The following BBS12 variants were observed in gnomAD, a reference collection of about 807,000 sequenced individuals.
BBS12 encodes the protein chaperonin-containing T-complex member BBS12.
Under a neutral mutation model 5.6 loss-of-function variants are expected in BBS12, and 5 were observed. The observed-to-expected ratio is 0.89, with a 90% confidence interval of 0.46 to 1.86. The LOEUF (loss-of-function observed/expected upper bound fraction) is 1.86. Among genes scored for constraint, BBS12 ranks in the 40% most tolerant of loss-of-function variants. BBS12 has a pLI of 0.01. For missense variants in BBS12, 748 were observed against 830.4 expected (o/e 0.90, Z 1.22); for synonymous variants, 308 against 306.8 (o/e 1.00, Z -0.04).
intron 1 of BBS12, among the ~76,000 whole-genome samples, chr4:122,735,927 A>G (rs1800778107): frequency 6.6e-6 from 1 of 152,120 alleles, no homozygotes. Flanking sequence ...GTGGTATTCT[A>G]TAGAGTGCTC....
Position 122,743,248 on chromosome 4 carries a change from A to G in BBS12, c.1356A>G (p.Val452=), listed in dbSNP as rs1264207326. ...MQAFAEAAGA[V]QVAYITQVNE... ...CTTTTGCAGAGGCTGCAGGAGCAGT[A>G]CAGGTGGCCTACATTACACAAGTGA... Residue 452 remains valine, a synonymous_variant, in exon 2 of 2, where the codon GTA becomes GTG. Coordinates refer to ENST00000314218, the MANE Select transcript of BBS12 (RefSeq NM_152618.3). 6.2e-7 allele frequency: 1 copy of G among 1,614,228 alleles called. No individual in the cohort carries two copies. The highest frequency in any genetic ancestry group is 1.1e-5 in the South Asian group (1 of 91,086).
intron 1 of BBS12, among the ~76,000 whole-genome samples, chr4:122,739,475 C>T (rs754889793): frequency 3.3e-5 from 5 of 152,212 alleles, no homozygotes; most frequent in Non-Finnish European, 5.9e-5. Context: ...ACAGACTCCA[C>T]CTTTTCACCC....
the BBS12 span, among the ~76,000 whole-genome samples, chr4:122,703,762 G>A: frequency 6.6e-6 from 1 of 152,188 alleles, no homozygotes; most frequent in African/African-American, 2.4e-5. Flanking sequence ...TGCAGGACTA[G>A]TGGATCAAAC....
chr4:122,738,327 C>G (rs1362590717), intron 1 of BBS12, among the ~76,000 whole-genome samples: 1 of 152,166 alleles, frequency 6.6e-6, no homozygotes, highest in Admixed American at 6.5e-5. Flanking sequence ...TCTCCTGCCT[C>G]AGCCTCCTGA....
At chr4:122,720,056 A>T in the BBS12 span, among the ~76,000 whole-genome samples, 2 of 152,234 alleles carry the variant, frequency 1.3e-5, no homozygotes, top group Non-Finnish European at 2.9e-5. Flanking sequence ...TGGCTAAAAA[A>T]CAAGACCAAA....
At chr4:122,713,624 C>G in the BBS12 span, among the ~76,000 whole-genome samples, 1 of 152,178 alleles carries the variant, frequency 6.6e-6, no homozygotes. Flanking sequence ...TCAACTCTAT[C>G]CTATGTCATT....
chr4:122,720,773 T>A, the BBS12 span, among the ~76,000 whole-genome samples: 1 of 151,470 alleles, frequency 6.6e-6, no homozygotes, highest in East Asian at 1.9e-4. Flanking sequence ...AACCACAGAA[T>A]CAAGACACTC....
intron 1 of BBS12, among the ~76,000 whole-genome samples, chr4:122,738,925 G>A (rs1800825422): frequency 6.6e-6 from 1 of 152,154 alleles, no homozygotes; most frequent in Admixed American, 6.5e-5. Flanking sequence ...ATCTCAAAAT[G>A]TGATCTTATT....
rs1411645871 is a variant in BBS12, at chr4:122,743,907, C to T, written c.2015C>T (p.Ala672Val). The change falls in exon 2 of 2, where the codon GCG becomes GTG. Residue 672 changes from alanine (A) to valine (V), a missense_variant. Ala to Val is a moderately conservative substitution (Grantham distance 64). Coordinates refer to ENST00000314218, the MANE Select transcript of BBS12 (RefSeq NM_152618.3). The stretch of plus-strand genomic sequence containing the variant: ...GACGTTGTTACACCAAAGATTGAGG[C>T]GTGGCGCCGAGCATTGGATTTAGTA... Reference protein sequence around the residue: ...VYDVVTPKIEAWRRALDLVLL... With the variant: ...VYDVVTPKIEVWRRALDLVLL... 3.1e-6 allele frequency: 5 copies of T among 1,605,508 alleles called. No individual in the cohort carries two copies. The highest frequency in any genetic ancestry group is 4.5e-5 in the East Asian group (2 of 44,840).
At chr4:122,702,145 A>T in the BBS12 span, among the ~76,000 whole-genome samples, 2 of 152,234 alleles carry the variant, frequency 1.3e-5, no homozygotes, top group East Asian at 3.9e-4. Flanking sequence ...TTGCATAATA[A>T]CAGCTCACTG....
chr4:122,712,131 G>A, the BBS12 span, among the ~76,000 whole-genome samples: 2 of 152,202 alleles, frequency 1.3e-5, no homozygotes, highest in African/African-American at 4.8e-5. Flanking sequence ...AGCTTTCCTG[G>A]TTCTGTGAAC....
the BBS12 span, among the ~76,000 whole-genome samples, chr4:122,706,979 G>A: frequency 1.3e-5 from 2 of 148,876 alleles, no homozygotes; most frequent in East Asian, 4.1e-4. Context: ...AGGTTGTTCA[G>A]TAACATCAAT....
the BBS12 span, among the ~76,000 whole-genome samples, chr4:122,726,593 T>A: frequency 4.6e-5 from 7 of 152,118 alleles, no homozygotes; most frequent in Non-Finnish European, 7.4e-5. Context: ...AAAGAAGTCA[T>A]CATACAAAAA....
In BBS12 at chr4:122,737,808, C is replaced by T. The variant is rs150497342; in HGVS notation, c.-10-4075C>T. 1.5e-4 allele frequency among the ~76,000 whole-genome samples: 23 copies of T among 152,312 alleles called. No individual in the cohort carries two copies. In the East Asian group the frequency reaches 4.2e-3, roughly 28 times the overall value. ...GCTATAGTACTTAAAACCTGTGGTACTGGCATAAGGATGAATGTATAGATC... is the reference window on the plus strand; with the variant it reads ...GCTATAGTACTTAAAACCTGTGGTATTGGCATAAGGATGAATGTATAGATC... On this transcript the variant is annotated intron_variant, in intron 1 of 1. Transcript: ENST00000314218.
chr4:122,739,751 C>T (rs551706926), intron 1 of BBS12, among the ~76,000 whole-genome samples: 14 of 152,254 alleles, frequency 9.2e-5, no homozygotes, highest in Non-Finnish European at 1.9e-4. Context: ...AGTATAAGGG[C>T]GAAGCTCAGT....
chr4:122,737,137 G>A (rs930355377), intron 1 of BBS12, among the ~76,000 whole-genome samples: 2 of 152,008 alleles, frequency 1.3e-5, no homozygotes, highest in African/African-American at 4.8e-5. Flanking sequence ...TTTTCTACTC[G>A]TAGTAATATC....
Position 122,743,283 on chromosome 4 carries a change from G to T in BBS12, c.1391G>T (p.Cys464Phe). ...VAYITQVNED[C>F]VGDGVCVTFW... ...TACATTACACAAGTGAATGAAGATT[G>T]TGTGGGCGACGGGGTCTGCGTGACC... The change falls in exon 2 of 2, where the codon TGT becomes TTT. Residue 464 changes from cysteine to phenylalanine, a missense_variant. By Grantham distance (205) the Cys-to-Phe change is radical (BLOSUM62 -2). Transcript: ENST00000314218. 1 of 1,614,218 alleles carries T rather than the reference G, an allele frequency of 6.2e-7. No individual in the cohort carries two copies. The highest frequency in any genetic ancestry group is 8.5e-7 in the Non-Finnish European group (1 of 1,180,026).
chr4:122,700,780 A>G, the BBS12 span, among the ~76,000 whole-genome samples: 5 of 152,224 alleles, frequency 3.3e-5, no homozygotes, highest in African/African-American at 9.6e-5. Context: ...CTCCTCTATT[A>G]GACTCTAAGC....
chr4:122,724,822 G>T, the BBS12 span, among the ~76,000 whole-genome samples: 304 of 152,222 alleles, frequency 2.0e-3, no homozygotes, highest in Non-Finnish European at 3.9e-3. Flanking sequence ...GGGTATACAA[G>T]AAGTTATCCC....
Sources: allele counts gnomAD v4.1 joint callset (sites outside exome capture counted in the v4.1 genomes callset), GRCh38; gene constraint gnomAD v4.1.1; transcripts MANE v1.5; gene names NCBI Gene and HGNC (gene_info 2026-07-23, HGNC 2026-07-21).